Variants in NPSR1 observed in about 807,000 individuals in gnomAD.
The protein encoded by NPSR1 is neuropeptide S receptor.
A neutral mutation model predicts 46.9 loss-of-function variants in NPSR1; 48 were observed. The observed-to-expected ratio is 1.02, with a 90% CI of 0.81 to 1.30. The LOEUF is 1.30. Ranked by LOEUF, NPSR1 falls within the 50% of genes most tolerant of loss-of-function variation. The pLI, the probability that NPSR1 is intolerant of heterozygous loss-of-function variation, is 0.00. For missense variants in NPSR1, 450 were observed against 449.5 expected, an observed-to-expected ratio of 1.00 and a Z score of -0.01; for synonymous variants, 176 against 168.1, an observed-to-expected ratio of 1.05 and a Z score of -0.36.
intron 3 of NPSR1, among the ~76,000 whole-genome samples, chr7:34,791,056 T>C (rs1255928120): frequency 8.1e-6 from 1 of 123,654 alleles, no homozygotes; most frequent in Non-Finnish European, 1.6e-5. Flanking sequence ...ATATGTTATA[T>C]GTTATATATT....
chr7:34,718,152 C>A (rs1401388598), intron 2 of NPSR1, among the ~76,000 whole-genome samples: 1 of 152,084 alleles, frequency 6.6e-6, no homozygotes, highest in Non-Finnish European at 1.5e-5. Flanking sequence ...GTGGAAAATT[C>A]TTTAAAAATA....
At chr7:34,751,803 C>G in intron 2 of NPSR1, 1 of 1,582,866 alleles carries the variant, frequency 6.3e-7, no homozygotes. Context: ...GGGCACAGAT[C>G]ACTGTGGGAC....
At chr7:34,789,740 C>CAAAA (rs751424409) in intron 3 of NPSR1, among the ~76,000 whole-genome samples, 5,336 of 45,136 alleles carry the variant, frequency 0.12, 659 homozygotes, top group Non-Finnish European at 0.16. Context: ...TTGCAGTGCG[C>CAAAA]AAAAAAAAAA....
intron 1 of NPSR1, among the ~76,000 whole-genome samples, chr7:34,678,993 A>G (rs1327108956): frequency 6.6e-6 from 1 of 152,218 alleles, no homozygotes; most frequent in African/African-American, 2.4e-5. Context: ...TTGGGGAAAT[A>G]AAATAGTTTT....
At chr7:34,868,103 G>C (rs933388684) in intron 8 of NPSR1, among the ~76,000 whole-genome samples, 6 of 151,788 alleles carry the variant, frequency 4.0e-5, no homozygotes, top group African/African-American at 1.5e-4. Flanking sequence ...TGGGAGAGTG[G>C]ACTGTTATTA....
At chr7:34,740,270 T>C (rs1784877857) in intron 2 of NPSR1, among the ~76,000 whole-genome samples, 1 of 151,864 alleles carries the variant, frequency 6.6e-6, no homozygotes, top group African/African-American at 2.4e-5. Flanking sequence ...CCAACAGCAC[T>C]GAGTTTGTTT....
chr7:34,847,883 T>C (rs1253527651), intron 7 of NPSR1, among the ~76,000 whole-genome samples: 2 of 152,180 alleles, frequency 1.3e-5, no homozygotes, highest in African/African-American at 2.4e-5. Flanking sequence ...ATCCATTTCT[T>C]TTGAGAATTT....
At chr7:34,752,295 G>A (rs910424504) in intron 2 of NPSR1, among the ~76,000 whole-genome samples, 1 of 152,090 alleles carries the variant, frequency 6.6e-6, no homozygotes, top group Non-Finnish European at 1.5e-5. Flanking sequence ...CCAGGTGCTG[G>A]GGGGATTACC....
chr7:34,680,696 C>A (rs986652173), intron 1 of NPSR1, among the ~76,000 whole-genome samples: 1 of 152,064 alleles, frequency 6.6e-6, no homozygotes, highest in Non-Finnish European at 1.5e-5. Flanking sequence ...AATGAAAAAC[C>A]TGCAGCTCTT....
intron 8 of NPSR1, among the ~76,000 whole-genome samples, chr7:34,869,240 C>T (rs1335130001): frequency 1.3e-5 from 2 of 151,424 alleles, no homozygotes; most frequent in Non-Finnish European, 2.9e-5. Context: ...CAAGCGGAGG[C>T]AAAAACCAGG....
chr7:34,793,948 C>T (rs1223066353), intron 3 of NPSR1, among the ~76,000 whole-genome samples: 2 of 152,092 alleles, frequency 1.3e-5, no homozygotes, highest in African/African-American at 4.8e-5. Context: ...AACATTGTGT[C>T]AAGTGAAATA....
rs12701388 is a variant in NPSR1, at chr7:34,829,432, G to A, written c.680+1830G>A. Among the ~76,000 whole-genome samples the A allele has an allele frequency of 5.3e-3, 803 of 152,324 alleles. 12 individuals carry two copies. The highest frequency in any genetic ancestry group is 0.034 in the Middle Eastern group (10 of 294). ...ACAACTATCCAAGGTAAGTCACAGC[G>A]CATGGGAAGGGGCCCATGGCAGAGG... On this transcript the variant is annotated intron_variant, in intron 5 of 8. Transcript: ENST00000360581.
rs116458775 is a variant in NPSR1, at chr7:34,732,577, C to T, written c.281-45885C>T. ...CCTGACATGGGGAAAACTCATTGTC[C>T]TCACTCATTCATCATGCAGGCAACC... On this transcript the variant is annotated intron_variant, in intron 2 of 8. Transcript: ENST00000360581. Among the ~76,000 whole-genome samples the T allele has an allele frequency of 5.0e-3, 767 of 152,290 alleles. 9 individuals carry two copies. The highest frequency in any genetic ancestry group is 0.017 in the African/African-American group (718 of 41,556).
chr7:34,827,131 C>T (rs1465547207), intron 4 of NPSR1, among the ~76,000 whole-genome samples: 2 of 152,196 alleles, frequency 1.3e-5, no homozygotes, highest in Non-Finnish European at 2.9e-5. Context: ...GTCAGCATCT[C>T]AAGTCAGATG....
intron 1 of NPSR1, among the ~76,000 whole-genome samples, chr7:34,664,616 T>A (rs73103347): frequency 0.047 from 6,869 of 145,046 alleles, 275 homozygotes; most frequent in East Asian, 0.22. Flanking sequence ...TTCTTTTTTT[T>A]AAAAAAAAAA....
chr7:34,804,254 A>G (rs2128748546), intron 3 of NPSR1, among the ~76,000 whole-genome samples: 1 of 152,232 alleles, frequency 6.6e-6, no homozygotes, highest in South Asian at 2.1e-4. Context: ...AAATGCAAAA[A>G]TTCTCAATAA....
chr7:34,823,085 C>G (rs562254666), intron 4 of NPSR1, among the ~76,000 whole-genome samples: 51 of 152,120 alleles, frequency 3.4e-4, no homozygotes, highest in African/African-American at 1.2e-3. Context: ...AACAGACTAA[C>G]AAGAAACAAA....
In NPSR1 at chr7:34,802,331, A is replaced by G. The variant is rs373630290; in HGVS notation, c.385-9439A>G. 6.5e-4 allele frequency among the ~76,000 whole-genome samples: 98 copies of G among 150,314 alleles called. 8 individuals are homozygous for G. The highest frequency in any genetic ancestry group is 1.5e-3 in the African/African-American group (61 of 39,746). ...CTTCAAACTATACTACAAGGCTACA[A>G]TAACCAAAACAGCATGGTACTGGTA... On this transcript the variant is annotated intron_variant, in intron 3 of 8. Coordinates refer to ENST00000360581, the MANE Select transcript of NPSR1 (RefSeq NM_207172.2).
chr7:34,876,314 T>C (rs926414003), intron 8 of NPSR1, among the ~76,000 whole-genome samples: 4 of 152,230 alleles, frequency 2.6e-5, no homozygotes, highest in African/African-American at 7.2e-5. Flanking sequence ...ATTTTGCTTA[T>C]GCTTTTTGGA....
Sources: gnomAD v4.1 joint callset for allele counts (sites outside exome capture counted in the v4.1 genomes callset) on GRCh38, gnomAD v4.1.1 for gene constraint, MANE v1.5 for transcripts, NCBI Gene and HGNC (gene_info 2026-07-23, HGNC 2026-07-21) for gene names.